The following TCERG1L variants were observed in gnomAD, a reference collection of about 807,000 sequenced individuals.
TCERG1L encodes the protein transcription elongation regulator 1 like.
Under a neutral mutation model 56.3 loss-of-function variants are expected in TCERG1L, and 37 were observed. The observed-to-expected ratio is 0.66, with a 90% confidence interval of 0.51 to 0.87. The LOEUF (loss-of-function observed/expected upper bound fraction) is 0.87. Among genes scored for constraint, TCERG1L ranks in the 40% least tolerant of loss-of-function variants. The pLI, the probability that TCERG1L is intolerant of heterozygous loss-of-function variation, is 0.00. For missense variants in TCERG1L, 799 were observed against 774.2 expected (o/e 1.03, Z -0.38); for synonymous variants, 324 against 326.3 (o/e 0.99, Z 0.08).
chr10:131,115,710 G>C (rs2133389231), intron 9 of TCERG1L, among the ~76,000 whole-genome samples: 1 of 152,272 alleles, frequency 6.6e-6, no homozygotes, highest in African/African-American at 2.4e-5. Flanking sequence ...CTTTGGAGGG[G>C]AGGTGTCCCT....
At chr10:131,143,985 G>T (rs1013829660) in intron 7 of TCERG1L, among the ~76,000 whole-genome samples, 1 of 152,090 alleles carries the variant, frequency 6.6e-6, no homozygotes, top group Non-Finnish European at 1.5e-5. Context: ...ACTTCTGGAG[G>T]CGCTGCCTCC....
intron 2 of TCERG1L, 63 bp from the exon 3 acceptor site, chr10:131,308,454 C>T: frequency 7.1e-7 from 1 of 1,415,376 alleles, no homozygotes; most frequent in Non-Finnish European, 9.8e-7. Flanking sequence ...CTGAGCATGA[C>T]CATGAAAATA....
intron 6 of TCERG1L, 145 bp from the exon 7 acceptor site, chr10:131,146,805 G>T: frequency 1.1e-6 from 1 of 877,294 alleles, no homozygotes; most frequent in Non-Finnish European, 1.7e-6. Context: ...GAATACTAAA[G>T]ACAAAGCCTG....
chr10:131,140,202 C>T (rs1432319967), intron 7 of TCERG1L, among the ~76,000 whole-genome samples: 1 of 152,186 alleles, frequency 6.6e-6, no homozygotes, highest in Non-Finnish European at 1.5e-5. Context: ...GTTTTGGTAC[C>T]TGTGGGTGCC....
At chr10:131,107,280 T>C (rs1282317681) in intron 9 of TCERG1L, among the ~76,000 whole-genome samples, 1 of 152,194 alleles carries the variant, frequency 6.6e-6, no homozygotes, top group Non-Finnish European at 1.5e-5. Flanking sequence ...TTAGACCCTA[T>C]GTGGCATAAC....
At chr10:131,213,911 C>T (rs1016256975) in intron 4 of TCERG1L, among the ~76,000 whole-genome samples, 4 of 152,208 alleles carry the variant, frequency 2.6e-5, no homozygotes, top group East Asian at 1.9e-4. Context: ...GCCCTGAGAA[C>T]ATGCTCACCA....
At chr10:131,291,525 C>T (rs926959747) in intron 3 of TCERG1L, among the ~76,000 whole-genome samples, 11 of 143,906 alleles carry the variant, frequency 7.6e-5, no homozygotes, top group Admixed American at 2.2e-4. Flanking sequence ...CTCCCAGGTT[C>T]ATGCCATTCT....
At chr10:131,229,548 A>G (rs1845827445) in intron 4 of TCERG1L, among the ~76,000 whole-genome samples, 1 of 152,158 alleles carries the variant, frequency 6.6e-6, no homozygotes, top group South Asian at 2.1e-4. Flanking sequence ...AGTAAAATAT[A>G]AGAAGTATGA....
chr10:131,232,769 C>T, intron 4 of TCERG1L, among the ~76,000 whole-genome samples: 1 of 152,158 alleles, frequency 6.6e-6, no homozygotes, highest in East Asian at 1.9e-4. Context: ...AAGTGTCCCC[C>T]AACCCTTCAG....
chr10:131,300,809 C>T (rs1349316765), intron 3 of TCERG1L, among the ~76,000 whole-genome samples: 1 of 150,758 alleles, frequency 6.6e-6, no homozygotes, highest in Non-Finnish European at 1.5e-5. Flanking sequence ...ATAAATAGAA[C>T]AATGAATGAG....
chr10:131,174,328 C>T (rs1846123920), intron 4 of TCERG1L, among the ~76,000 whole-genome samples: 1 of 152,226 alleles, frequency 6.6e-6, no homozygotes, highest in Non-Finnish European at 1.5e-5. Context: ...AGGCTGAAAC[C>T]CCACAGTGGG....
chr10:131,299,086 C>A (rs1846729850), intron 3 of TCERG1L, among the ~76,000 whole-genome samples: 1 of 151,998 alleles, frequency 6.6e-6, no homozygotes, highest in African/African-American at 2.4e-5. Context: ...AAATTTTTAT[C>A]CCTAGTAATA....
chr10:131,158,337 C>T (rs1845944945), intron 6 of TCERG1L, among the ~76,000 whole-genome samples: 1 of 152,254 alleles, frequency 6.6e-6, no homozygotes, highest in African/African-American at 2.4e-5. Context: ...AAGTGAGTTT[C>T]TTCCCTATAA....
At chr10:131,142,890 C>T (rs371036043) in intron 7 of TCERG1L, among the ~76,000 whole-genome samples, 10 of 152,206 alleles carry the variant, frequency 6.6e-5, no homozygotes, top group Non-Finnish European at 1.5e-4. Context: ...AAACAGCTCC[C>T]CTTGAGGTGA....
intron 4 of TCERG1L, among the ~76,000 whole-genome samples, chr10:131,196,194 G>C (rs980659069): frequency 4.6e-5 from 7 of 152,218 alleles, no homozygotes; most frequent in African/African-American, 1.7e-4. Context: ...GTCACACACA[G>C]ATGAGATCGG....
At chr10:131,168,935 T>G (rs1846061830) in intron 4 of TCERG1L, among the ~76,000 whole-genome samples, 1 of 152,208 alleles carries the variant, frequency 6.6e-6, no homozygotes, top group South Asian at 2.1e-4. Context: ...CACAGGTCTA[T>G]TTCAAGGTTG....
At chr10:131,229,487 G>A (rs1395072064) in intron 4 of TCERG1L, among the ~76,000 whole-genome samples, 1 of 152,150 alleles carries the variant, frequency 6.6e-6, no homozygotes, top group Non-Finnish European at 1.5e-5. Context: ...CTCAGCTCCT[G>A]GCAACAGGCT....
intron 4 of TCERG1L, among the ~76,000 whole-genome samples, chr10:131,187,542 G>T (rs968120379): frequency 6.6e-6 from 1 of 152,080 alleles, no homozygotes; most frequent in African/African-American, 2.4e-5. Context: ...GCTTGAAAAT[G>T]GGGCAGATCT....
At chr10:131,255,350 C>T (rs775081363) in intron 4 of TCERG1L, among the ~76,000 whole-genome samples, 3 of 152,212 alleles carry the variant, frequency 2.0e-5, no homozygotes, top group Non-Finnish European at 4.4e-5. Flanking sequence ...ACTATGTTAA[C>T]ATGTATGTGA....
Sources: allele counts gnomAD v4.1 joint callset (sites outside exome capture counted in the v4.1 genomes callset), GRCh38; gene constraint gnomAD v4.1.1; transcripts MANE v1.5; gene names NCBI Gene and HGNC (gene_info 2026-07-23, HGNC 2026-07-21).